Variants in APMAP observed in about 807,000 individuals in gnomAD.
APMAP encodes adipocyte plasma membrane associated protein.
A neutral mutation model predicts 43.6 loss-of-function variants in APMAP; 33 were observed. The ratio of observed to expected loss-of-function variants is 0.76; its 90% CI spans 0.57 to 1.01. The LOEUF is 1.01. Among genes scored for constraint, APMAP ranks in the 50% least tolerant of loss-of-function variants. The probability of loss-of-function intolerance (pLI) is 0.00; values close to 1 mark genes in which losing one functional copy is unlikely to be tolerated. For missense variants in APMAP, 498 were observed against 540.7 expected, an observed-to-expected ratio of 0.92 and a Z score of 0.78; for synonymous variants, 224 against 216.7, an observed-to-expected ratio of 1.03 and a Z score of -0.30.
chr20:24,963,774 A>G lies in APMAP; in HGVS notation c.*39T>C, dbSNP rs28364787. The G allele has an allele frequency of 2.3e-4, 369 of 1,591,872 alleles. 3 individuals carry two copies. In the East Asian group the frequency reaches 8.3e-3, roughly 36 times the overall value. On this transcript the variant is annotated 3_prime_UTR_variant, in exon 9 of 9. Coordinates refer to ENST00000217456, the MANE Select transcript of APMAP (RefSeq NM_020531.3). ...CCAGGCCTGGTGCCTGAGTGTGAAG[A>G]CTCCTGGCCTGCGTGGCAGGGGCAG...
chr20:24,982,758 G>A (rs1424717543), intron 2 of APMAP, among the ~76,000 whole-genome samples: 1 of 152,060 alleles, frequency 6.6e-6, no homozygotes, highest in African/African-American at 2.4e-5. Flanking sequence ...GTTTCCCTTT[G>A]GCTAGAATGA....
chr20:24,978,816 C>T lies in APMAP; in HGVS notation c.279G>A (p.Arg93=). 1.2e-6 allele frequency: 2 copies of T among 1,607,758 alleles called. No individual in the cohort carries two copies. Among genetic ancestry groups the T allele is most frequent in the Non-Finnish European group, 1.7e-6 (2 of 1,176,126 alleles). The stretch of plus-strand genomic sequence containing the variant: ...GTCCAACAAGTTGATTTTCAAACAG[C>T]CTTTCTGCCTGTCGCAGCTTCGTAT... The part of the protein sequence containing the change: ...HPNTKLRQAE[R]LFENQLVGPE... Residue 93 remains arginine, a synonymous_variant, in exon 3 of 9, where the codon AGG becomes AGA. Coordinates refer to ENST00000217456, the MANE Select transcript of APMAP (RefSeq NM_020531.3).
At position 24,970,847 on chromosome 20, in the gene APMAP, TG is replaced by T. The variant is rs569327889; in HGVS notation, c.539-477del. 3.9e-5 allele frequency among the ~76,000 whole-genome samples: 6 copies of T among 152,284 alleles called. No individual in the cohort carries two copies. In the East Asian group the frequency reaches 1.2e-3, roughly 29 times the overall value. On this transcript the variant is annotated intron_variant, in intron 5 of 8. Transcript: ENST00000217456. The stretch of plus-strand genomic sequence containing the variant: ...CAGGGCTACTATGACCCCAATTTGA[TG>T]AGGAAGCTGGGCAGAGAGCAACTAA...
chr20:24,978,033 T>C (rs112099500), intron 3 of APMAP, among the ~76,000 whole-genome samples: 6,848 of 152,296 alleles, frequency 0.045, 221 homozygotes, highest in Middle Eastern at 0.095. Context: ...AGAAGCACCC[T>C]GTGTGCACAT....
At chr20:24,983,657 T>C (rs545896955) in intron 2 of APMAP, among the ~76,000 whole-genome samples, 1 of 152,332 alleles carries the variant, frequency 6.6e-6, no homozygotes, top group Non-Finnish European at 1.5e-5. Context: ...GCTTCTCTAA[T>C]TTTGAATTTT....
intron 8 of APMAP, among the ~76,000 whole-genome samples, chr20:24,968,195 G>C (rs1717121641): frequency 6.6e-6 from 1 of 152,228 alleles, no homozygotes; most frequent in African/African-American, 2.4e-5. Flanking sequence ...TTATTATGTG[G>C]GGTGCTTCAT....
intron 1 of APMAP, among the ~76,000 whole-genome samples, chr20:24,991,489 A>G (rs1040137476): frequency 3.3e-5 from 5 of 152,184 alleles, no homozygotes; most frequent in Admixed American, 6.5e-5. Flanking sequence ...CTATCACCGC[A>G]AAGTCTTCTC....
rs775190200 is a variant in APMAP at position 24,992,616 on chromosome 20, C to G, written c.73G>C (p.Ala25Pro). The change falls in exon 1 of 9, where the codon GCC (alanine) becomes CCC (proline). Residue 25 changes from alanine (A) to proline (P), a missense_variant. By Grantham distance (27) the Ala-to-Pro change is conservative. Coordinates refer to ENST00000217456, the MANE Select transcript of APMAP (RefSeq NM_020531.3). ...TACCTGCCGTCCTTAGCCTCCGGGG[C>G]CTGGCCATCATCGTCTGTGACGACC... is the stretch of plus-strand genomic sequence containing the variant. ...PQVVTDDDGQ[A>P]PEAKDGSSFS... The G allele has an allele frequency of 6.4e-7, 1 of 1,568,136 alleles. No individual in the cohort carries two copies. Among genetic ancestry groups the G allele is most frequent in the Admixed American group, 1.8e-5 (1 of 55,174 alleles).
chr20:24,992,442 G>A, intron 1 of APMAP, 152 bp downstream of exon 1: 1 of 583,998 alleles, frequency 1.7e-6, no homozygotes, highest in Non-Finnish European at 2.6e-6. Context: ...TCGGAAAAAT[G>A]AGTTTTTCTT....
chr20:24,992,653 G>C lies in APMAP; in HGVS notation c.36C>G (p.Pro12=), dbSNP rs937320700. The C allele has an allele frequency of 5.8e-6, 9 of 1,560,730 alleles. No homozygotes were observed. The highest frequency in any genetic ancestry group is 6.9e-6 in the Non-Finnish European group (8 of 1,155,220). Residue 12 remains proline (P), a synonymous_variant, in exon 1 of 9, where the codon CCC becomes CCG. Transcript: ENST00000217456. ...CGTCTGTGACGACCTGCGGCCGCAG[G>C]GGCCGGCGCTGTCGCAGCCCGTCCG... is the stretch of plus-strand genomic sequence containing the variant. The part of the protein sequence containing the change: ...SEADGLRQRR[P]LRPQVVTDDD...
At chr20:24,980,509 C>A (rs1038329843) in intron 2 of APMAP, among the ~76,000 whole-genome samples, 1 of 150,152 alleles carries the variant, frequency 6.7e-6, no homozygotes, top group Admixed American at 6.6e-5. Flanking sequence ...CACCTCTACA[C>A]GCTGGGCAGC....
intron 1 of APMAP, among the ~76,000 whole-genome samples, chr20:24,990,175 A>G (rs1205077665): frequency 6.6e-6 from 1 of 152,242 alleles, no homozygotes; most frequent in Non-Finnish European, 1.5e-5. Flanking sequence ...ATGTTAAAGT[A>G]CTTAGCTCAT....
Position 24,992,670 on chromosome 20 carries a change from G to T in APMAP, c.19C>A (p.Leu7Met). Residue 7 changes from leucine to methionine, a missense_variant, in exon 1 of 9, where the codon CTG (leucine) becomes ATG (methionine). Coordinates refer to ENST00000217456, the MANE Select transcript of APMAP (RefSeq NM_020531.3). ...GGCCGCAGGGGCCGGCGCTGTCGCA[G>T]CCCGTCCGCCTCGCTCATGGTACGG... MSEADG[L>M]RQRRPLRPQV... 1 of 1,540,826 alleles carries T rather than the reference G, an allele frequency of 6.5e-7. No homozygotes were observed.
intron 1 of APMAP, among the ~76,000 whole-genome samples, chr20:24,988,501 C>T (rs1265822685): frequency 6.6e-6 from 1 of 152,184 alleles, no homozygotes; most frequent in African/African-American, 2.4e-5. Flanking sequence ...AGATTTGTGT[C>T]CCAATGCTGC....
At position 24,971,503 on chromosome 20, in the gene APMAP, C is replaced by T. The variant is rs1205375051; in HGVS notation, c.495G>A (p.Val165=). Residue 165 remains valine, a synonymous_variant, in exon 5 of 9, where the codon GTG becomes GTA. Transcript: ENST00000217456. The stretch of plus-strand genomic sequence containing the variant: ...CAAATAGTCCCTTGTATGCATCGGC[C>T]ACAAAGAGAGTCCCATTGGGCCCTG... The part of the protein sequence containing the change: ...IRAGPNGTLF[V]ADAYKGLFEV... The T allele has an allele frequency of 1.9e-6, 3 of 1,614,064 alleles. No homozygotes were observed. Among genetic ancestry groups the T allele is most frequent in the Non-Finnish European group, 2.5e-6 (3 of 1,180,040 alleles).
rs771828282 is a variant in APMAP, at chr20:24,978,823, G to T, written c.272C>A (p.Ala91Glu). The T allele has an allele frequency of 3.7e-6, 6 of 1,610,124 alleles. No homozygotes were observed. ...VLHPNTKLRQ[A>E]ERLFENQLVG... ...AAGTTGATTTTCAAACAGCCTTTCTGCCTGTCGCAGCTTCGTATTTGGATG... is the reference window on the plus strand; with the variant it reads ...AAGTTGATTTTCAAACAGCCTTTCTTCCTGTCGCAGCTTCGTATTTGGATG... Residue 91 changes from alanine (A) to glutamate (E), a missense_variant, in exon 3 of 9, where the codon GCA becomes GAA. By Grantham distance (107) the Ala-to-Glu change is moderately radical. Transcript: ENST00000217456.
chr20:24,989,652 G>A (rs2088175023), intron 1 of APMAP, among the ~76,000 whole-genome samples: 2 of 151,920 alleles, frequency 1.3e-5, no homozygotes, highest in Non-Finnish European at 2.9e-5. Flanking sequence ...CTTTTTTAGT[G>A]ACAGCATCTT....
intron 1 of APMAP, among the ~76,000 whole-genome samples, chr20:24,984,981 C>A (rs1262730571): frequency 1.3e-5 from 2 of 152,096 alleles, no homozygotes; most frequent in Non-Finnish European, 1.5e-5. Context: ...AGAAAAAAGT[C>A]AAGACTCACA....
At chr20:24,972,705 G>A (rs1053677466) in intron 4 of APMAP, among the ~76,000 whole-genome samples, 1 of 147,748 alleles carries the variant, frequency 6.8e-6, no homozygotes, top group African/African-American at 2.5e-5. Context: ...CACTGCAGGT[G>A]TTCACTATAG....
Sources: allele counts gnomAD v4.1 joint callset (sites outside exome capture counted in the v4.1 genomes callset), GRCh38; gene constraint gnomAD v4.1.1; transcripts MANE v1.5; gene names NCBI Gene and HGNC (gene_info 2026-07-23, HGNC 2026-07-21).